Variants in PCDH9 observed in about 807,000 individuals in gnomAD.
The protein encoded by PCDH9 is protocadherin 9, also known as protocadherin-9.
In PCDH9, 24 loss-of-function variants were observed where a neutral mutation model predicts 70.6. That is an observed-to-expected ratio of 0.34 (90% confidence interval 0.25 to 0.48). The LOEUF is 0.48. Among genes scored for constraint, PCDH9 ranks in the 20% least tolerant of loss-of-function variants. The probability of loss-of-function intolerance (pLI) is 0.99; values close to 1 mark genes in which losing one functional copy is unlikely to be tolerated. For missense variants in PCDH9, 1,281 were observed against 1,503.6 expected (o/e 0.85, Z 2.45); for synonymous variants, 562 against 558.5 (o/e 1.01, Z -0.09).
chr13:67,167,750 CT>C (rs1463095460), intron 2 of PCDH9, among the ~76,000 whole-genome samples: 2 of 152,086 alleles, frequency 1.3e-5, no homozygotes, highest in East Asian at 3.8e-4. Flanking sequence ...TCTGTTTTTC[CT>C]TTTTATTTAT....
At chr13:66,549,431 T>G (rs139237816) in intron 4 of PCDH9, among the ~76,000 whole-genome samples, 1 of 152,174 alleles carries the variant, frequency 6.6e-6, no homozygotes, top group Non-Finnish European at 1.5e-5. Context: ...TTACATGTAC[T>G]GTATTACATT....
chr13:66,436,828 T>A (rs1957874730), intron 4 of PCDH9, among the ~76,000 whole-genome samples: 1 of 152,108 alleles, frequency 6.6e-6, no homozygotes, highest in Admixed American at 6.5e-5. Flanking sequence ...CAAAGCTTCA[T>A]GAGCAATTTC....
intron 3 of PCDH9, among the ~76,000 whole-genome samples, chr13:66,715,342 C>T (rs915929358): frequency 3.3e-5 from 5 of 152,044 alleles, no homozygotes; most frequent in Admixed American, 6.6e-5. Flanking sequence ...ATATCTTCCC[C>T]AAATCACCTG....
At chr13:66,596,716 A>G (rs1482224091) in intron 4 of PCDH9, among the ~76,000 whole-genome samples, 1 of 151,536 alleles carries the variant, frequency 6.6e-6, no homozygotes, top group Non-Finnish European at 1.5e-5. Flanking sequence ...TTTGAAATCT[A>G]TATGATGTAA....
intron 2 of PCDH9, among the ~76,000 whole-genome samples, chr13:66,976,929 T>A (rs1384397934): frequency 3.9e-5 from 6 of 152,156 alleles, no homozygotes; most frequent in African/African-American, 1.4e-4. Context: ...ATCAGGCTTC[T>A]GAAATTTGAA....
At chr13:66,778,738 G>A (rs925577724) in intron 3 of PCDH9, among the ~76,000 whole-genome samples, 13 of 152,150 alleles carry the variant, frequency 8.5e-5, no homozygotes, top group African/African-American at 2.9e-4. Flanking sequence ...CTGAGATAAG[G>A]AAAATTAAAT....
intron 3 of PCDH9, among the ~76,000 whole-genome samples, chr13:66,884,951 T>A (rs2081983328): frequency 6.6e-6 from 1 of 152,212 alleles, no homozygotes; most frequent in African/African-American, 2.4e-5. Context: ...TGCCTGAATA[T>A]TATTTCTGGT....
At chr13:66,616,515 A>ATT (rs900563214) in intron 4 of PCDH9, among the ~76,000 whole-genome samples, 2 of 106,066 alleles carry the variant, frequency 1.9e-5, no homozygotes, top group African/African-American at 7.0e-5. Context: ...TTTTGCCTAC[A>ATT]TTTTAGACTA....
rs147485176 is a variant in PCDH9 at position 66,698,624 on chromosome 13, G to T, written c.3139-67213C>A. Among the ~76,000 whole-genome samples the T allele has an allele frequency of 2.3e-3, 357 of 152,176 alleles. 3 individuals carry two copies. Among genetic ancestry groups the T allele is most frequent in the African/African-American group, 8.2e-3 (342 of 41,524 alleles). ...GACAGGGTCTTGCTCTGTCACCCAA[G>T]CTGGAGTGCAGTGGTGTGATCATAG... On this transcript the variant is annotated intron_variant, in intron 3 of 4. Transcript: ENST00000377865.
At chr13:67,071,888 C>CAAAAAAAAAAAAAAAAAAACA in intron 2 of PCDH9, among the ~76,000 whole-genome samples, 1 of 86,688 alleles carries the variant, frequency 1.2e-5, no homozygotes. Context: ...GACTTTGTCT[C>CAAAAAAAAAAAAAAAAAAACA]AAAAAAAAAA....
chr13:67,141,158 G>C (rs1360519083), intron 2 of PCDH9, among the ~76,000 whole-genome samples: 2 of 152,168 alleles, frequency 1.3e-5, no homozygotes, highest in Admixed American at 6.5e-5. Flanking sequence ...ATTCCAAAAA[G>C]CCTTACGATA....
At chr13:67,028,500 A>G (rs1263402452) in intron 2 of PCDH9, among the ~76,000 whole-genome samples, 1 of 151,798 alleles carries the variant, frequency 6.6e-6, no homozygotes, top group Non-Finnish European at 1.5e-5. Context: ...GCACACCAGC[A>G]TGGCACATGT....
At chr13:66,566,974 G>A (rs1437913924) in intron 4 of PCDH9, among the ~76,000 whole-genome samples, 1 of 151,918 alleles carries the variant, frequency 6.6e-6, no homozygotes, top group Non-Finnish European at 1.5e-5. Flanking sequence ...AAATCCACTA[G>A]GATCATGTGG....
chr13:66,741,934 G>T (rs1439352568), intron 3 of PCDH9, among the ~76,000 whole-genome samples: 1 of 150,202 alleles, frequency 6.7e-6, no homozygotes, highest in African/African-American at 2.5e-5. Flanking sequence ...AATTTATAGA[G>T]TCAATGCCAT....
At chr13:66,932,681 T>TATATATATATATATATATACAC (rs1313632174) in intron 2 of PCDH9, among the ~76,000 whole-genome samples, 32 of 114,816 alleles carry the variant, frequency 2.8e-4, no homozygotes, top group African/African-American at 8.2e-4. Context: ...TATATATATA[T>TATATATATATATATATATACAC]ACACACACAC....
chr13:66,826,169 TAAAG>T (rs1270417767), intron 3 of PCDH9, among the ~76,000 whole-genome samples: 1 of 152,144 alleles, frequency 6.6e-6, no homozygotes, highest in Non-Finnish European at 1.5e-5. Flanking sequence ...TTCAAAAACT[TAAAG>T]AAGTCACTCC....
intron 4 of PCDH9, among the ~76,000 whole-genome samples, chr13:66,392,345 G>T (rs904974920): frequency 1.3e-5 from 2 of 151,960 alleles, no homozygotes; most frequent in Non-Finnish European, 2.9e-5. Flanking sequence ...CAAGACAAAA[G>T]AATTGTTATT....
chr13:66,713,625 G>GTATATATATATATATATATATA (rs67681559), intron 3 of PCDH9, among the ~76,000 whole-genome samples: 109 of 109,948 alleles, frequency 9.9e-4, no homozygotes, highest in South Asian at 3.1e-3. Context: ...GTGTGTGTGT[G>GTATATATATATATATATATATA]TATATATATA....
intron 2 of PCDH9, chr13:67,213,189 C>A (rs1323160695): frequency 3.0e-5 from 3 of 100,250 alleles, no homozygotes; most frequent in Admixed American, 3.1e-4. Context: ...CCAGCCTGGA[C>A]GACAGAGACT....
Sources: allele counts gnomAD v4.1 joint callset (sites outside exome capture counted in the v4.1 genomes callset), GRCh38; gene constraint gnomAD v4.1.1; transcripts MANE v1.5; gene names NCBI Gene and HGNC (gene_info 2026-07-23, HGNC 2026-07-21).